Variants in CACNB2 observed in about 807,000 individuals in gnomAD.
CACNB2 encodes the protein calcium voltage-gated channel auxiliary subunit beta 2.
In CACNB2, 42 loss-of-function variants were observed where a neutral mutation model predicts 73.3. The ratio of observed to expected loss-of-function variants is 0.57; its 90% CI spans 0.45 to 0.74. The LOEUF is 0.74. Among genes scored for constraint, CACNB2 ranks in the 30% least tolerant of loss-of-function variants. CACNB2 has a pLI of 0.00. For synonymous variants in CACNB2, 348 were observed against 310.3 expected (o/e 1.12, Z -1.28); for missense variants, 940 against 853.0 (o/e 1.10, Z -1.27).
intron 2 of CACNB2, among the ~76,000 whole-genome samples, chr10:18,366,789 C>T (rs574636538): frequency 7.4e-6 from 1 of 135,086 alleles, no homozygotes; most frequent in East Asian, 3.9e-4. Flanking sequence ...GAGACTCCGT[C>T]TCAAAAAAAA....
At position 18,146,165 on chromosome 10, in the gene CACNB2, T is replaced by C. The variant is rs545248970; in HGVS notation, c.121-4718T>C. Among the ~76,000 whole-genome samples the C allele has an allele frequency of 8.3e-4, 126 of 152,304 alleles. No individual in the cohort carries two copies. In the Middle Eastern group the frequency reaches 0.024, roughly 29 times the overall value. ...TACCCTTAGCTTATTCACACTAAGC[T>C]ATTGGTAAATGAGGAGATTTGATAC... On this transcript the variant is annotated intron_variant, in intron 1 of 13. Coordinates refer to ENST00000324631, the MANE Select transcript of CACNB2 (RefSeq NM_201596.3).
chr10:18,236,864 T>C (rs2036465263), intron 2 of CACNB2, among the ~76,000 whole-genome samples: 1 of 152,100 alleles, frequency 6.6e-6, no homozygotes, highest in Non-Finnish European at 1.5e-5. Context: ...GGATCTCCTT[T>C]GGGGGACTGT....
intron 2 of CACNB2, among the ~76,000 whole-genome samples, chr10:18,201,139 A>T (rs1266132923): frequency 6.6e-6 from 1 of 152,176 alleles, no homozygotes; most frequent in Admixed American, 6.5e-5. Flanking sequence ...TCTATGCATT[A>T]CTATTTTATT....
intron 2 of CACNB2, among the ~76,000 whole-genome samples, chr10:18,158,859 G>T (rs1040028035): frequency 6.6e-6 from 1 of 152,180 alleles, no homozygotes; most frequent in Non-Finnish European, 1.5e-5. Flanking sequence ...GAATTGCTAA[G>T]TGTATAAATT....
At position 18,439,110 on chromosome 10, in the gene CACNB2, T is replaced by C. The variant is rs568870895; in HGVS notation, c.333+37067T>C. On this transcript the variant is annotated intron_variant, in intron 3 of 13. Transcript: ENST00000324631. Reference sequence around the variant, plus strand: ...TACGAGACATGCAATTTTATTAACATTTTACATGCACTGGAGTTCACAGAA... The same window carrying C: ...TACGAGACATGCAATTTTATTAACACTTTACATGCACTGGAGTTCACAGAA... Among the ~76,000 whole-genome samples the C allele has an allele frequency of 8.5e-5, 13 of 152,308 alleles. 1 individual carries two copies. The highest frequency in any genetic ancestry group is 2.9e-4 in the African/African-American group (12 of 41,558).
At chr10:18,407,990 TTTA>T (rs956733663) in intron 3 of CACNB2, among the ~76,000 whole-genome samples, 6 of 152,112 alleles carry the variant, frequency 3.9e-5, no homozygotes, top group African/African-American at 1.4e-4. Flanking sequence ...AATGACTATA[TTTA>T]TTATTTCATA....
chr10:18,515,055 A>C (rs1188424708), intron 7 of CACNB2: 2 of 1,596,490 alleles, frequency 1.3e-6, no homozygotes, highest in African/African-American at 2.7e-5. Context: ...AGTTTTTCCT[A>C]TTGTCATATA....
At position 18,536,092 on chromosome 10, in the gene CACNB2, C is replaced by G. The variant is rs759412393; in HGVS notation, c.1207-9C>G. 12 of 1,544,698 alleles carry G rather than the reference C, an allele frequency of 7.8e-6. No homozygotes were observed. Among genetic ancestry groups the G allele is most frequent in the Non-Finnish European group, 1.1e-5 (12 of 1,117,400 alleles). ...TATTACTCTGTTAAAAACTCATTAT[C>G]TTTTACAGGTTTTACAAAGGTTAAT... On this transcript the variant is annotated splice_polypyrimidine_tract_variant and intron_variant, in intron 11 of 13. Transcript: ENST00000324631.
At chr10:18,168,610 C>T (rs1389736886) in intron 2 of CACNB2, among the ~76,000 whole-genome samples, 2 of 151,936 alleles carry the variant, frequency 1.3e-5, no homozygotes, top group African/African-American at 4.8e-5. Context: ...CTTTTTTGTT[C>T]TCTGCTCTCA....
At chr10:18,282,693 T>C (rs964648295) in intron 2 of CACNB2, among the ~76,000 whole-genome samples, 5 of 152,194 alleles carry the variant, frequency 3.3e-5, no homozygotes, top group Non-Finnish European at 5.9e-5. Flanking sequence ...GAGTTGCTTT[T>C]TTTAAGTGTG....
intron 2 of CACNB2, among the ~76,000 whole-genome samples, chr10:18,336,082 A>C (rs1173114350): frequency 6.6e-6 from 1 of 152,234 alleles, no homozygotes; most frequent in Non-Finnish European, 1.5e-5. Context: ...TATGGCTTCA[A>C]ATTTAAAACT....
intron 3 of CACNB2, among the ~76,000 whole-genome samples, chr10:18,459,248 T>C (rs1432799564): frequency 2.0e-5 from 3 of 152,206 alleles, no homozygotes; most frequent in African/African-American, 7.2e-5. Flanking sequence ...CATGTCCTAA[T>C]GACACTAGAA....
intron 2 of CACNB2, among the ~76,000 whole-genome samples, chr10:18,236,235 C>T (rs186445141): frequency 1.3e-5 from 2 of 152,224 alleles, no homozygotes; most frequent in East Asian, 1.9e-4. Flanking sequence ...TGGCTGATGC[C>T]GTTCTGTCAC....
chr10:18,488,596 C>T (rs539623612), intron 3 of CACNB2, among the ~76,000 whole-genome samples: 3 of 151,380 alleles, frequency 2.0e-5, no homozygotes, highest in African/African-American at 7.3e-5. Context: ...TTATGAGGGA[C>T]ACCCATCGTT....
intron 2 of CACNB2, among the ~76,000 whole-genome samples, chr10:18,388,673 C>G (rs988491965): frequency 3.9e-5 from 6 of 152,124 alleles, no homozygotes; most frequent in Admixed American, 3.9e-4. Flanking sequence ...AGTACCTAAC[C>G]TAGTACCAAC....
At chr10:18,250,599 GA>G (rs1246144143) in intron 2 of CACNB2, among the ~76,000 whole-genome samples, 1 of 151,910 alleles carries the variant, frequency 6.6e-6, no homozygotes, top group Non-Finnish European at 1.5e-5. Context: ...AATGACTATG[GA>G]CGAATGTCTT....
At chr10:18,179,095 A>G (rs944843359) in intron 2 of CACNB2, among the ~76,000 whole-genome samples, 2 of 152,214 alleles carry the variant, frequency 1.3e-5, no homozygotes, top group African/African-American at 4.8e-5. Context: ...TTACCAGTTG[A>G]GTAACCACAA....
chr10:18,151,037 T>G (rs10828271), intron 2 of CACNB2, 62 bp downstream of exon 2: 1 of 1,036,380 alleles, frequency 9.6e-7, no homozygotes, highest in Non-Finnish European at 1.5e-6. Flanking sequence ...TTTTTAAAGG[T>G]GGGTTTCACT....
At chr10:18,509,901 C>T (rs952079484) in intron 6 of CACNB2, among the ~76,000 whole-genome samples, 2 of 152,156 alleles carry the variant, frequency 1.3e-5, no homozygotes, top group African/African-American at 2.4e-5. Context: ...TATATGAAAG[C>T]AGTTCTTTCC....
Sources: allele counts gnomAD v4.1 joint callset (sites outside exome capture counted in the v4.1 genomes callset), GRCh38; gene constraint gnomAD v4.1.1; transcripts MANE v1.5; gene names NCBI Gene and HGNC (gene_info 2026-07-23, HGNC 2026-07-21).